Variants in ALK observed in about 807,000 individuals in gnomAD.
ALK encodes the protein ALK receptor tyrosine kinase, also known as ALK tyrosine kinase receptor.
A neutral mutation model predicts 163.1 loss-of-function variants in ALK; 74 were observed. The ratio of observed to expected loss-of-function variants is 0.45; its 90% confidence interval spans 0.38 to 0.55. The LOEUF (loss-of-function observed/expected upper bound fraction) is 0.55, where lower values mean the gene tolerates loss of function less well. Ranked by LOEUF, ALK falls within the 20% of genes least tolerant of loss-of-function variation. The pLI, the probability that ALK is intolerant of heterozygous loss-of-function variation, is 0.00. For missense variants in ALK, 2,063 were observed against 2,105.3 expected (o/e 0.98, Z 0.39); for synonymous variants, 960 against 843.2 (o/e 1.14, Z -2.40).
chr2:29,616,731 T>C (rs1301763396), intron 3 of ALK, among the ~76,000 whole-genome samples: 4 of 152,120 alleles, frequency 2.6e-5, no homozygotes, highest in Non-Finnish European at 5.9e-5. Context: ...CAACTCTGAA[T>C]AGACAGAGGA....
chr2:29,874,362 A>G (rs1387692581), intron 1 of ALK, among the ~76,000 whole-genome samples: 1 of 151,836 alleles, frequency 6.6e-6, no homozygotes, highest in Admixed American at 6.6e-5. Context: ...GGCAATGACA[A>G]GCTAAACCCA....
intron 1 of ALK, among the ~76,000 whole-genome samples, chr2:29,761,716 T>C (rs1365453772): frequency 6.6e-6 from 1 of 152,186 alleles, no homozygotes; most frequent in Non-Finnish European, 1.5e-5. Flanking sequence ...CACATAGCCA[T>C]ACGTAGATGA....
chr2:29,552,235 T>G (rs2148175986), intron 3 of ALK, among the ~76,000 whole-genome samples: 1 of 152,350 alleles, frequency 6.6e-6, no homozygotes, highest in South Asian at 2.1e-4. Flanking sequence ...CCACATTTCG[T>G]TTATCCATTC....
chr2:29,205,705 CTCTTA>C (rs893982992), intron 26 of ALK, among the ~76,000 whole-genome samples: 1 of 152,134 alleles, frequency 6.6e-6, no homozygotes, highest in Non-Finnish European at 1.5e-5. Flanking sequence ...TGGTCCTTCT[CTCTTA>C]TAAGGATACT....
chr2:29,466,855 A>T (rs1273583541), intron 4 of ALK, among the ~76,000 whole-genome samples: 1 of 152,272 alleles, frequency 6.6e-6, no homozygotes, highest in Non-Finnish European at 1.5e-5. Context: ...TGAAGTGATT[A>T]GAGCACATAT....
intron 1 of ALK, among the ~76,000 whole-genome samples, chr2:29,787,603 T>A (rs974706479): frequency 6.6e-6 from 1 of 152,134 alleles, no homozygotes; most frequent in Non-Finnish European, 1.5e-5. Flanking sequence ...AGGGAGCTGA[T>A]ACATTCGTGG....
intron 4 of ALK, among the ~76,000 whole-genome samples, chr2:29,492,528 C>T (rs1425764215): frequency 6.6e-6 from 1 of 152,156 alleles, no homozygotes; most frequent in Non-Finnish European, 1.5e-5. Flanking sequence ...GGACCCTATT[C>T]AGTGCTGGAT....
At chr2:29,778,111 A>AG (rs1450559706) in intron 1 of ALK, among the ~76,000 whole-genome samples, 13 of 152,222 alleles carry the variant, frequency 8.5e-5, no homozygotes, top group African/African-American at 2.9e-4. Context: ...TATCCTCCCC[A>AG]GGGGAGTCCT....
chr2:29,758,413 T>C (rs952949684), intron 1 of ALK, among the ~76,000 whole-genome samples: 1 of 152,174 alleles, frequency 6.6e-6, no homozygotes, highest in East Asian at 1.9e-4. Flanking sequence ...TGGCACCTCA[T>C]TGACAAGCCA....
chr2:29,658,034 C>T (rs1424562772), intron 3 of ALK, among the ~76,000 whole-genome samples: 3 of 151,930 alleles, frequency 2.0e-5, no homozygotes, highest in East Asian at 1.9e-4. Flanking sequence ...TGTCCTGTTC[C>T]GGGAGGAGAA....
chr2:29,509,986 C>T (rs1672465268), intron 4 of ALK, among the ~76,000 whole-genome samples: 1 of 152,204 alleles, frequency 6.6e-6, no homozygotes, highest in Non-Finnish European at 1.5e-5. Context: ...AGTTACCACT[C>T]TCTAGTCCAG....
At chr2:29,200,760 T>TATATGTATATATAC (rs1553389059) in intron 26 of ALK, among the ~76,000 whole-genome samples, 4 of 104,966 alleles carry the variant, frequency 3.8e-5, no homozygotes, top group East Asian at 2.5e-4. Context: ...TACGTATATA[T>TATATGTATATATAC]GTATATATAT....
intron 4 of ALK, among the ~76,000 whole-genome samples, chr2:29,506,512 C>T (rs572602949): frequency 2.6e-5 from 4 of 152,092 alleles, no homozygotes; most frequent in East Asian, 3.9e-4. Context: ...TTTGGGAGGC[C>T]GAGGCGGGTG....
At chr2:29,316,077 TGCCACTGGGGTTTAGCCC>T (rs1252362683) in intron 8 of ALK, among the ~76,000 whole-genome samples, 4 of 152,216 alleles carry the variant, frequency 2.6e-5, no homozygotes, top group Non-Finnish European at 4.4e-5. Context: ...CATTTTTTTC[TGCCACTGGGGTTTAGCCC>T]GCCCGGGAGG....
At chr2:29,917,497 C>T (rs190435488) in intron 1 of ALK, among the ~76,000 whole-genome samples, 11 of 152,260 alleles carry the variant, frequency 7.2e-5, no homozygotes, top group South Asian at 2.1e-4. Flanking sequence ...GGAAAATGAA[C>T]GGAACCATAA....
intron 3 of ALK, among the ~76,000 whole-genome samples, chr2:29,598,214 C>T (rs1276744421): frequency 2.0e-5 from 3 of 152,112 alleles, no homozygotes; most frequent in Non-Finnish European, 4.4e-5. Flanking sequence ...TTAGTAGAGA[C>T]GAGGTTTCAC....
At chr2:29,783,543 T>C (rs762175972) in intron 1 of ALK, among the ~76,000 whole-genome samples, 24 of 152,196 alleles carry the variant, frequency 1.6e-4, no homozygotes, top group Admixed American at 9.2e-4. Context: ...GTACTATCCA[T>C]GCTGAGTGAC....
chr2:29,901,824 T>G (rs983312587), intron 1 of ALK, among the ~76,000 whole-genome samples: 3 of 152,332 alleles, frequency 2.0e-5, no homozygotes, highest in Admixed American at 6.5e-5. Flanking sequence ...ATCCCTTCAC[T>G]GACAGTCTTC....
chr2:29,219,091 C>T lies in ALK; in HGVS notation c.3645+1615G>A, dbSNP rs111855155. Among the ~76,000 whole-genome samples the T allele has an allele frequency of 2.1e-3, 314 of 152,278 alleles. 1 individual carries two copies. The highest frequency in any genetic ancestry group is 7.4e-3 in the African/African-American group (306 of 41,540). The stretch of plus-strand genomic sequence containing the variant: ...AAGTCCCGTAATCTCTCTGGGCCAC[C>T]GTTTTCTCATCCATAGAATTGGGGA... On this transcript the variant is annotated intron_variant, in intron 23 of 28. Coordinates refer to ENST00000389048, the MANE Select transcript of ALK (RefSeq NM_004304.5).
Sources: allele counts gnomAD v4.1 joint callset (sites outside exome capture counted in the v4.1 genomes callset), GRCh38; gene constraint gnomAD v4.1.1; transcripts MANE v1.5; gene names NCBI Gene and HGNC (gene_info 2026-07-23, HGNC 2026-07-21).